KDM2B: variants seen among roughly 807,000 people sequenced by gnomAD.
KDM2B encodes the protein lysine demethylase 2B.
A neutral mutation model predicts 150.0 loss-of-function variants in KDM2B; 26 were observed. The observed-to-expected ratio is 0.17, with a 90% CI of 0.13 to 0.24. The LOEUF is 0.24. Ranked by LOEUF, KDM2B falls within the 10% of genes least tolerant of loss-of-function variation. KDM2B has a pLI of 1.00. For missense variants in KDM2B, 1,265 were observed against 1,816.9 expected, an observed-to-expected ratio of 0.70 and a Z score of 5.52; for synonymous variants, 734 against 729.5, an observed-to-expected ratio of 1.01 and a Z score of -0.10.
chr12:121,540,009 A>C (rs1888474995), intron 6 of KDM2B, among the ~76,000 whole-genome samples: 1 of 152,134 alleles, frequency 6.6e-6, no homozygotes, highest in Non-Finnish European at 1.5e-5. Context: ...TAAAGTGCTG[A>C]GATCACAGAC....
intron 6 of KDM2B, among the ~76,000 whole-genome samples, chr12:121,545,483 G>A (rs1030192187): frequency 1.3e-5 from 2 of 152,224 alleles, no homozygotes; most frequent in Middle Eastern, 3.4e-3. Flanking sequence ...CTATTTAAAG[G>A]AATCTTTCAA....
intron 6 of KDM2B, among the ~76,000 whole-genome samples, chr12:121,546,156 C>A (rs1313364927): frequency 6.6e-6 from 1 of 152,128 alleles, no homozygotes; most frequent in African/African-American, 2.4e-5. Flanking sequence ...GCAGGAACCT[C>A]TTCTGGTTTC....
chr12:121,480,044 A>G (rs1404516912), intron 12 of KDM2B, among the ~76,000 whole-genome samples: 3 of 152,112 alleles, frequency 2.0e-5, no homozygotes, highest in Admixed American at 2.0e-4. Flanking sequence ...TCAGCCTCCC[A>G]AGTAGCTAGC....
At chr12:121,536,264 C>T (rs1398398812) in intron 6 of KDM2B, 1 of 176,354 alleles carries the variant, frequency 5.7e-6, no homozygotes, top group Non-Finnish European at 1.1e-5. Flanking sequence ...TCCCTCCTCC[C>T]CATAGGCTGG....
Position 121,521,411 on chromosome 12 carries a change from T to C in KDM2B, c.932-311A>G, listed in dbSNP as rs984952362. On this transcript the variant is annotated intron_variant, in intron 8 of 22. Transcript: ENST00000377071. The surrounding 1 kb of genome is among the most constrained non-coding windows in gnomAD (Gnocchi z 4.9). ...GCTTCCTCTGGGGACCTGGCTGCAATGGCCAGCAGAGAGGCAGGCCCTTTC... is the reference window on the plus strand; with the variant it reads ...GCTTCCTCTGGGGACCTGGCTGCAACGGCCAGCAGAGAGGCAGGCCCTTTC... Among the ~76,000 whole-genome samples, 6 of 152,136 alleles carry C rather than the reference T, an allele frequency of 3.9e-5. No homozygotes were observed. Among genetic ancestry groups the C allele is most frequent in the Non-Finnish European group, 7.4e-5 (5 of 68,006 alleles).
rs1263904859 is a variant in KDM2B, at chr12:121,463,140, C to A, written c.1735-9796G>T. ...GACCAGCCTGACCAACATGGTGAAA[C>A]CCCGTCTCTACTAAAAATACAAAAA... On this transcript the variant is annotated intron_variant, in intron 12 of 22. Coordinates refer to ENST00000377071, the MANE Select transcript of KDM2B (RefSeq NM_032590.5). Among the ~76,000 whole-genome samples the A allele has an allele frequency of 2.0e-5, 3 of 151,934 alleles. No homozygotes were observed. In the East Asian group the frequency reaches 5.8e-4, roughly 29 times the overall value.
intron 6 of KDM2B, among the ~76,000 whole-genome samples, chr12:121,538,710 C>T (rs1555309179): frequency 1.3e-5 from 2 of 152,156 alleles, no homozygotes; most frequent in African/African-American, 4.8e-5. Flanking sequence ...TTCCTGTTTT[C>T]AGATAAGCAC....
intron 12 of KDM2B, among the ~76,000 whole-genome samples, chr12:121,487,675 A>G (rs1192627563): frequency 6.6e-6 from 1 of 151,142 alleles, no homozygotes; most frequent in African/African-American, 2.4e-5. Context: ...AGAGAACCCC[A>G]TGGTCTCAGT....
At chr12:121,547,128 G>T (rs951106809) in intron 6 of KDM2B, among the ~76,000 whole-genome samples, 2 of 152,096 alleles carry the variant, frequency 1.3e-5, no homozygotes, top group African/African-American at 2.4e-5. Context: ...AGGCCCCTAC[G>T]CGAGGCACAG....
intron 8 of KDM2B, among the ~76,000 whole-genome samples, chr12:121,522,677 G>A (rs28758996): frequency 0.35 from 52,961 of 151,660 alleles, 11,239 homozygotes; most frequent in Non-Finnish European, 0.45. Flanking sequence ...GCGAAACCCC[G>A]TCTCCACTAA....
At chr12:121,501,332 T>C (rs782565502) in intron 11 of KDM2B, among the ~76,000 whole-genome samples, 4 of 151,840 alleles carry the variant, frequency 2.6e-5, no homozygotes, top group Non-Finnish European at 4.4e-5. Context: ...CAAGCCAAGA[T>C]CACGTCACTG....
At position 121,453,447 on chromosome 12, in the gene KDM2B, C is replaced by T; in HGVS notation, c.1735-103G>A. ...CAAACTGTGTACCCCCAGAAAGACA[C>T]GATGGGGGCTCTAAACCCCATTCCT... On this transcript the variant is annotated intron_variant, in intron 12 of 22. Transcript: ENST00000377071. The surrounding 1 kb of genome is among the most constrained non-coding windows in gnomAD (Gnocchi z 6.4). 1 of 813,054 alleles carries T rather than the reference C, an allele frequency of 1.2e-6. No individual in the cohort carries two copies. Among genetic ancestry groups the T allele is most frequent in the Non-Finnish European group, 1.9e-6 (1 of 522,390 alleles). The allele number at this position is 813,054 out of a possible 1,614,324, so 50.4% of individuals were successfully genotyped here. A position where few individuals can be genotyped will look rare whatever the true frequency, so the allele number is the denominator to read the frequency against.
At chr12:121,414,466 T>C in the KDM2B span, among the ~76,000 whole-genome samples, 1 of 152,048 alleles carries the variant, frequency 6.6e-6, no homozygotes, top group Non-Finnish European at 1.5e-5. Flanking sequence ...CAGGTTACTC[T>C]GGGCAGGTAT....
At chr12:121,538,220 GC>G (rs1888321710) in intron 6 of KDM2B, among the ~76,000 whole-genome samples, 1 of 152,090 alleles carries the variant, frequency 6.6e-6, no homozygotes, top group Non-Finnish European at 1.5e-5. Context: ...GCCAGGAGAC[GC>G]CCCTCGCCCG....
In KDM2B at chr12:121,452,854, C is replaced by T. The variant is rs923172600; in HGVS notation, c.1959+266G>A. On this transcript the variant is annotated intron_variant, in intron 13 of 22. Transcript: ENST00000377071. The surrounding 1 kb of genome is among the most constrained non-coding windows in gnomAD (Gnocchi z 4.4). ...CCGTCACCCAGAACCGTAATGTTGG[C>T]AACGGGGTCACAGACAGGACAGGCT... 6.6e-6 allele frequency among the ~76,000 whole-genome samples: 1 copy of T among 152,214 alleles called. No individual in the cohort carries two copies.
At chr12:121,536,098 CCAGCAGCGCGCCGGCA>C (rs1304232846) in intron 6 of KDM2B, 1 of 985,622 alleles carries the variant, frequency 1.0e-6, no homozygotes, top group Non-Finnish European at 1.2e-6. Context: ...CAGGGAGGAG[CCAGCAGCGCGCCGGCA>C]CGAGTGGAGA....
intron 11 of KDM2B, among the ~76,000 whole-genome samples, chr12:121,507,471 C>G (rs1340078234): frequency 1.3e-5 from 2 of 152,218 alleles, no homozygotes; most frequent in Non-Finnish European, 2.9e-5. Flanking sequence ...TTCATATTAT[C>G]ACGAGCTGCC....
intron 10 of KDM2B, among the ~76,000 whole-genome samples, chr12:121,510,511 G>C (rs1237639599): frequency 2.6e-5 from 4 of 152,248 alleles, no homozygotes; most frequent in Admixed American, 1.3e-4. Flanking sequence ...AATAAGTCGA[G>C]GCTGGGTGCA....
Position 121,513,527 on chromosome 12 carries a change from G to A in KDM2B, c.1048-125C>T, listed in dbSNP as rs551297843. On this transcript the variant is annotated intron_variant, in intron 9 of 22. Coordinates refer to ENST00000377071, the MANE Select transcript of KDM2B (RefSeq NM_032590.5). The surrounding 1 kb of genome is among the most constrained non-coding windows in gnomAD (Gnocchi z 5.0). Reference sequence around the variant, plus strand: ...CTGTCATCATCTTAGCGAGAGCATGGATGGTCGGGGGAGAAATGGTGGGGT... The same window carrying A: ...CTGTCATCATCTTAGCGAGAGCATGAATGGTCGGGGGAGAAATGGTGGGGT... 1.5e-5 allele frequency: 16 copies of A among 1,076,652 alleles called. No individual in the cohort carries two copies. In the South Asian group the frequency reaches 2.4e-4, roughly 16 times the overall value. The allele number at this position is 1,076,652 out of a possible 1,614,324, so 66.7% of individuals were successfully genotyped here. A position where few individuals can be genotyped will look rare whatever the true frequency, so the allele number is the denominator to read the frequency against.
Sources: gnomAD v4.1 joint callset for allele counts (sites outside exome capture counted in the v4.1 genomes callset) on GRCh38, gnomAD v4.1.1 for gene constraint, Gnocchi (gnomAD v3.1) non-coding constraint, MANE v1.5 for transcripts, NCBI Gene and HGNC (gene_info 2026-07-23, HGNC 2026-07-21) for gene names.